Variants in OOSP3 observed in about 807,000 individuals in gnomAD.
The protein encoded by OOSP3 is oocyte secreted protein family member 3.
chr11:59,883,560 A>G (rs1315498530), intron 2 of OOSP3, among the ~76,000 whole-genome samples: 1 of 152,254 alleles, frequency 6.6e-6, no homozygotes, highest in East Asian at 1.9e-4. Context: ...AAATGTGAAC[A>G]GGCACCATAA....
At chr11:59,888,377 A>G (rs1347147762) in intron 2 of OOSP3, among the ~76,000 whole-genome samples, 2 of 152,026 alleles carry the variant, frequency 1.3e-5, no homozygotes, top group African/African-American at 4.8e-5. Flanking sequence ...GTCCTGTGCC[A>G]TTTTTCAAGG....
intron 2 of OOSP3, among the ~76,000 whole-genome samples, chr11:59,887,651 T>C (rs991555197): frequency 1.3e-5 from 2 of 152,200 alleles, no homozygotes; most frequent in Non-Finnish European, 1.5e-5. Flanking sequence ...GTTTTATTGG[T>C]TTATATGTCT....
chr11:59,890,178 A>G (rs1345128234), intron 2 of OOSP3, among the ~76,000 whole-genome samples: 4 of 152,094 alleles, frequency 2.6e-5, no homozygotes, highest in African/African-American at 9.7e-5. Context: ...GTCTTTGCAT[A>G]TGAGATGTGT....
In OOSP3 at chr11:59,895,342, A is replaced by C. The variant is rs540131674; in HGVS notation, c.351-160A>C. Reference sequence around the variant, plus strand: ...AATGGAGGTTTGTTAATCCTTAAAAAAAAAAGGCAAGTAGAAGGCAGAGAG... The same window carrying C: ...AATGGAGGTTTGTTAATCCTTAAAACAAAAAGGCAAGTAGAAGGCAGAGAG... On this transcript the variant is annotated intron_variant, in intron 3 of 4. Coordinates refer to ENST00000646438, the Ensembl canonical transcript of OOSP3. 4.3e-4 allele frequency among the ~76,000 whole-genome samples: 65 copies of C among 151,848 alleles called. No individual in the cohort carries two copies. In the Middle Eastern group the frequency reaches 0.01, roughly 24 times the overall value.
chr11:59,880,757 G>A (rs1853191365), intron 2 of OOSP3, among the ~76,000 whole-genome samples: 1 of 152,166 alleles, frequency 6.6e-6, no homozygotes. Flanking sequence ...TAGTAACTGA[G>A]GCTAAAATGA....
At chr11:59,890,391 G>A (rs1277119416) in intron 2 of OOSP3, among the ~76,000 whole-genome samples, 1 of 152,170 alleles carries the variant, frequency 6.6e-6, no homozygotes, top group African/African-American at 2.4e-5. Context: ...GTGTACTTTA[G>A]TGTGTTTTTG....
exon 5 of OOSP3, chr11:59,896,181 G>C (rs1304685511): frequency 2.5e-6 from 1 of 398,412 alleles, no homozygotes; most frequent in Non-Finnish European, 4.4e-6. Flanking sequence ...TCATCCATTA[G>C]TCCATGAGAG....
chr11:59,891,003 C>T (rs1853307145), intron 2 of OOSP3, among the ~76,000 whole-genome samples: 1 of 152,132 alleles, frequency 6.6e-6, no homozygotes, highest in African/African-American at 2.4e-5. Context: ...ATCTTGTCTG[C>T]TTGCCTTATT....
intron 2 of OOSP3, among the ~76,000 whole-genome samples, chr11:59,885,208 G>A (rs1853242666): frequency 6.6e-6 from 1 of 152,060 alleles, no homozygotes; most frequent in African/African-American, 2.4e-5. Context: ...TCCTTTTCCT[G>A]GGATAAATCC....
At chr11:59,878,784 G>A (rs899128891), upstream of OOSP3, 1 of 398,332 alleles carries the variant, frequency 2.5e-6, no homozygotes, top group African/African-American at 2.1e-5. Flanking sequence ...AATTTTTCAG[G>A]GGTCATTAGT....
rs576536935 is a variant in OOSP3, at chr11:59,890,504, C to T, written c.253-3575C>T. Among the ~76,000 whole-genome samples, 15 of 152,160 alleles carry T rather than the reference C, an allele frequency of 9.9e-5. No homozygotes were observed. The Middle Eastern group carries it at 0.01, about 104-fold the overall frequency. On this transcript the variant is annotated intron_variant, in intron 2 of 4. Transcript: ENST00000646438. ...TGAGATCCTTTAGCATTTGCTTGTC[C>T]GAAAAGGATTTTATTTTTCCTTCTC...
intron 2 of OOSP3, among the ~76,000 whole-genome samples, chr11:59,890,668 C>T (rs1285432264): frequency 1.3e-5 from 2 of 152,226 alleles, no homozygotes; most frequent in East Asian, 3.9e-4. Flanking sequence ...ATGGGCTTAC[C>T]TTTGTAGGTT....
chr11:59,890,938 C>T (rs1220735109), intron 2 of OOSP3, among the ~76,000 whole-genome samples: 3 of 152,150 alleles, frequency 2.0e-5, no homozygotes, highest in Non-Finnish European at 2.9e-5. Context: ...GGTCTTTTTC[C>T]ATAGTCCATA....
intron 1 of OOSP3, among the ~76,000 whole-genome samples, chr11:59,879,462 A>T (rs1415459769): frequency 6.6e-6 from 1 of 152,040 alleles, no homozygotes; most frequent in Non-Finnish European, 1.5e-5. Flanking sequence ...GTACAAAGTT[A>T]TTGGGTAGAA....
At chr11:59,894,292 T>C (rs1853337405) in intron 3 of OOSP3, 116 bp downstream of exon 3, 1 of 394,268 alleles carries the variant, frequency 2.5e-6, no homozygotes, top group African/African-American at 2.1e-5. Context: ...TTGGTTTGCA[T>C]AGTTTCTCTG....
At chr11:59,892,287 T>C (rs567796370) in intron 2 of OOSP3, among the ~76,000 whole-genome samples, 2 of 152,272 alleles carry the variant, frequency 1.3e-5, no homozygotes, top group Admixed American at 6.5e-5. Flanking sequence ...CCCTTTTCCT[T>C]GTGCAGCTCC....
intron 2 of OOSP3, among the ~76,000 whole-genome samples, chr11:59,892,496 A>G (rs756151225): frequency 1.3e-5 from 2 of 151,580 alleles, no homozygotes; most frequent in African/African-American, 2.4e-5. Context: ...CTCCACTTCT[A>G]TTTGTTGGGA....
rs908185252 is a variant in OOSP3, at chr11:59,895,655, G to C, written c.501+3G>C. ...TTCCATATTTTCAAAACTCCTCGGT[G>C]AGGATCCTTAGAAGAGACAAAACAT... On this transcript the variant is annotated splice_donor_region_variant and intron_variant, in intron 4 of 4. Coordinates refer to ENST00000646438, the Ensembl canonical transcript of OOSP3. 1 of 398,356 alleles carries C rather than the reference G, an allele frequency of 2.5e-6. No homozygotes were observed. The highest frequency in any genetic ancestry group is 4.4e-6 in the Non-Finnish European group (1 of 225,898). The allele number at this position is 398,356 out of a possible 1,614,324, so 24.7% of individuals were successfully genotyped here.
chr11:59,878,785 G>A (rs2134523165), upstream of OOSP3: 1 of 398,424 alleles, frequency 2.5e-6, no homozygotes, highest in East Asian at 3.6e-5. Context: ...ATTTTTCAGG[G>A]GTCATTAGTT....
Sources: gnomAD v4.1 joint callset for allele counts (sites outside exome capture counted in the v4.1 genomes callset) on GRCh38, gnomAD v4.1.1 for gene constraint, MANE v1.5 for transcripts, NCBI Gene and HGNC (gene_info 2026-07-23, HGNC 2026-07-21) for gene names.